The following ZFHX3 variants were observed in gnomAD, a reference collection of about 807,000 sequenced individuals.
ZFHX3 encodes the protein zinc finger homeobox protein 3.
ZFHX3 carries 42 observed loss-of-function variants against 279.1 expected under a neutral mutation model. The ratio of observed to expected loss-of-function variants is 0.15; its 90% confidence interval spans 0.12 to 0.19. The LOEUF is 0.19. Among genes scored for constraint, ZFHX3 ranks in the 10% least tolerant of loss-of-function variants. ZFHX3 has a pLI of 1.00. For synonymous variants in ZFHX3, 2,293 were observed against 1,957.8 expected (o/e 1.17, Z -4.52); for missense variants, 4,981 against 4,754.0 (o/e 1.05, Z -1.40).
At chr16:73,834,654 A>G (rs776971589) in intron 1 of ZFHX3, among the ~76,000 whole-genome samples, 6 of 152,186 alleles carry the variant, frequency 3.9e-5, no homozygotes, top group Non-Finnish European at 8.8e-5. Flanking sequence ...GCATTTTGGG[A>G]GGCCCAGGCG....
At chr16:73,729,604 C>A (rs997730936) in intron 1 of ZFHX3, among the ~76,000 whole-genome samples, 2 of 151,712 alleles carry the variant, frequency 1.3e-5, no homozygotes, top group Non-Finnish European at 2.9e-5. Context: ...TGACTTACAT[C>A]AAATCCTTGC....
chr16:73,403,901 G>C (rs1363907990), intron 3 of ZFHX3, among the ~76,000 whole-genome samples: 1 of 152,042 alleles, frequency 6.6e-6, no homozygotes, highest in African/African-American at 2.4e-5. Context: ...CTGGGTGCTG[G>C]TGGCATTTGG....
chr16:73,544,725 G>T (rs1481047571), intron 2 of ZFHX3, among the ~76,000 whole-genome samples: 1 of 152,080 alleles, frequency 6.6e-6, no homozygotes, highest in Non-Finnish European at 1.5e-5. Context: ...GGGGTTTTCG[G>T]GTTGCAGAAG....
At chr16:73,242,362 C>T (rs1042847824) in intron 5 of ZFHX3, among the ~76,000 whole-genome samples, 1 of 152,136 alleles carries the variant, frequency 6.6e-6, no homozygotes, top group African/African-American at 2.4e-5. Context: ...ACCCCCACAC[C>T]CACCCCATTA....
intron 1 of ZFHX3, among the ~76,000 whole-genome samples, chr16:73,721,191 G>C (rs1052591332): frequency 2.0e-5 from 3 of 151,764 alleles, no homozygotes; most frequent in East Asian, 3.9e-4. Flanking sequence ...GCGGGATCTC[G>C]GCTCACTGCA....
intron 1 of ZFHX3, among the ~76,000 whole-genome samples, chr16:73,824,447 T>C (rs1160406644): frequency 2.1e-5 from 3 of 140,608 alleles, no homozygotes; most frequent in African/African-American, 5.3e-5. Flanking sequence ...CATGTGCACA[T>C]TGTGCAGGTT....
At chr16:73,600,462 G>T (rs2052100775) in intron 2 of ZFHX3, among the ~76,000 whole-genome samples, 1 of 145,472 alleles carries the variant, frequency 6.9e-6, no homozygotes, top group South Asian at 2.1e-4. Context: ...CTGTCACCCA[G>T]GCTGGAGTGC....
chr16:72,967,874 G>A (rs12595893), intron 1 of ZFHX3, among the ~76,000 whole-genome samples: 65,960 of 149,748 alleles, frequency 0.44, 14,814 homozygotes, highest in South Asian at 0.55. Flanking sequence ...CTTGCAGTGA[G>A]CCGAGATCGT....
At chr16:73,217,664 C>T (rs2012262987) in intron 5 of ZFHX3, among the ~76,000 whole-genome samples, 2 of 152,042 alleles carry the variant, frequency 1.3e-5, no homozygotes, top group Non-Finnish European at 2.9e-5. Context: ...CCCGTCAGGC[C>T]CACTCCACGG....
At position 73,866,327 on chromosome 16, in the gene ZFHX3, C is replaced by T. The variant is rs963267237; in HGVS notation, c.-1608+25324G>A. ...TCTAGTAGTTGGGATTACAGGTGCA[C>T]GCCACCATGCCCAGCTAATTTTTGT... On this transcript the variant is annotated intron_variant, in intron 1 of 17. Transcript: ENST00000641206. 5.9e-5 allele frequency among the ~76,000 whole-genome samples: 9 copies of T among 151,726 alleles called. No individual in the cohort carries two copies. The East Asian group carries it at 9.8e-4, about 16-fold the overall frequency.
intron 4 of ZFHX3, among the ~76,000 whole-genome samples, chr16:72,876,740 T>G (rs1283140360): frequency 6.6e-6 from 1 of 152,118 alleles, no homozygotes; most frequent in Non-Finnish European, 1.5e-5. Flanking sequence ...GCTTTTCAAT[T>G]TTTTTCCCCC....
At chr16:73,666,001 A>T (rs2052838098) in intron 2 of ZFHX3, among the ~76,000 whole-genome samples, 2 of 151,446 alleles carry the variant, frequency 1.3e-5, no homozygotes, top group African/African-American at 4.9e-5. Context: ...TATTTTTAGT[A>T]GAGACAGGAT....
At chr16:72,930,589 T>C (rs1172887775) in intron 3 of ZFHX3, among the ~76,000 whole-genome samples, 1 of 152,194 alleles carries the variant, frequency 6.6e-6, no homozygotes, top group Non-Finnish European at 1.5e-5. Context: ...TAAAGGGCTA[T>C]GGAGCAGACA....
chr16:73,732,033 G>A (rs773619037), intron 1 of ZFHX3, among the ~76,000 whole-genome samples: 7 of 152,214 alleles, frequency 4.6e-5, no homozygotes, highest in African/African-American at 9.6e-5. Context: ...TGTAGCAAAC[G>A]CTATAATTTT....
chr16:73,544,506 C>T (rs1446568859), intron 2 of ZFHX3, among the ~76,000 whole-genome samples: 1 of 152,158 alleles, frequency 6.6e-6, no homozygotes, highest in Non-Finnish European at 1.5e-5. Flanking sequence ...TCGTTTCCCT[C>T]CACGGGTTTG....
At chr16:73,499,633 T>C (rs2019200968) in intron 2 of ZFHX3, 1 of 152,170 alleles carries the variant, frequency 6.6e-6, no homozygotes, top group South Asian at 2.1e-4. Flanking sequence ...AACCCAACTC[T>C]TTAGGAATGG....
At chr16:72,919,287 T>A (rs544726289) in intron 3 of ZFHX3, among the ~76,000 whole-genome samples, 207 of 151,922 alleles carry the variant, frequency 1.4e-3, no homozygotes, top group African/African-American at 4.8e-3. Flanking sequence ...GCCTCCCAAG[T>A]AGCTAGGACT....
intron 2 of ZFHX3, among the ~76,000 whole-genome samples, chr16:73,595,384 G>A (rs1053408727): frequency 2.4e-4 from 37 of 152,100 alleles, no homozygotes; most frequent in Non-Finnish European, 5.1e-4. Context: ...TAACTTCCTT[G>A]ACCTCTCAGC....
chr16:73,660,580 G>A (rs970440060), intron 2 of ZFHX3, among the ~76,000 whole-genome samples: 1 of 152,040 alleles, frequency 6.6e-6, no homozygotes, highest in Admixed American at 6.5e-5. Context: ...AGGGAAAAAG[G>A]AGAAACTGAA....
Sources: allele counts gnomAD v4.1 joint callset (sites outside exome capture counted in the v4.1 genomes callset), GRCh38; gene constraint gnomAD v4.1.1; transcripts MANE v1.5; gene names NCBI Gene and HGNC (gene_info 2026-07-23, HGNC 2026-07-21).